The following LY96 variants were observed in gnomAD, a reference collection of about 807,000 sequenced individuals.
LY96 encodes the protein myeloid differentiation protein-2.
In LY96, 18 loss-of-function variants were observed where a neutral mutation model predicts 18.9. That is an observed-to-expected ratio of 0.95 (90% confidence interval 0.66 to 1.41). The LOEUF is 1.41. Among genes scored for constraint, LY96 ranks in the 40% most tolerant of loss-of-function variants. The pLI, the probability that LY96 is intolerant of heterozygous loss-of-function variation, is 0.00. For synonymous variants in LY96, 66 were observed against 62.6 expected, an observed-to-expected ratio of 1.06 and a Z score of -0.26; for missense variants, 175 against 182.4, an observed-to-expected ratio of 0.96 and a Z score of 0.23.
chr8:74,017,919 A>G (rs1816677533), intron 3 of LY96, among the ~76,000 whole-genome samples: 1 of 152,224 alleles, frequency 6.6e-6, no homozygotes, highest in African/African-American at 2.4e-5. Flanking sequence ...CATGGAAAGG[A>G]ACAACTGGTA....
intron 2 of LY96, among the ~76,000 whole-genome samples, chr8:74,006,909 G>A (rs1246737074): frequency 6.6e-6 from 1 of 152,208 alleles, no homozygotes; most frequent in Non-Finnish European, 1.5e-5. Context: ...ACACTAAGAA[G>A]GAATTAGGCT....
chr8:74,039,808 A>C, the LY96 span, among the ~76,000 whole-genome samples: 8 of 152,178 alleles, frequency 5.3e-5, no homozygotes, highest in African/African-American at 1.9e-4. Flanking sequence ...GTACGGGAGG[A>C]ACATGAAAGT....
the LY96 span, among the ~76,000 whole-genome samples, chr8:74,074,376 A>G: frequency 2.6e-5 from 4 of 152,074 alleles, no homozygotes; most frequent in Admixed American, 6.5e-5. Flanking sequence ...TGTGTCATAA[A>G]TATTATTTTT....
chr8:74,081,074 T>C, the LY96 span, among the ~76,000 whole-genome samples: 1,216 of 130,344 alleles, frequency 9.3e-3, 25 homozygotes, highest in African/African-American at 0.024. Context: ...CTTACTTTCT[T>C]TCTTCTCTTT....
chr8:74,074,633 C>A, the LY96 span, among the ~76,000 whole-genome samples: 4 of 152,042 alleles, frequency 2.6e-5, no homozygotes, highest in African/African-American at 9.7e-5. Context: ...TAGCTATAAA[C>A]TTCCCTCTTA....
chr8:74,006,615 G>A (rs932918749), intron 2 of LY96, among the ~76,000 whole-genome samples: 26 of 152,194 alleles, frequency 1.7e-4, no homozygotes, highest in African/African-American at 6.3e-4. Context: ...ACAGAGCAAA[G>A]GATGATTAAC....
chr8:74,028,098 G>C (rs1356844226), intron 4 of LY96, among the ~76,000 whole-genome samples: 1 of 152,188 alleles, frequency 6.6e-6, no homozygotes, highest in Non-Finnish European at 1.5e-5. Context: ...ATGGGCTTTT[G>C]TTACATCCCA....
At chr8:74,053,384 G>A in the LY96 span, among the ~76,000 whole-genome samples, 1 of 152,106 alleles carries the variant, frequency 6.6e-6, no homozygotes, top group Non-Finnish European at 1.5e-5. Flanking sequence ...AAAAATTGAA[G>A]CAAGTCATTG....
At chr8:74,071,811 A>G in the LY96 span, among the ~76,000 whole-genome samples, 1 of 152,152 alleles carries the variant, frequency 6.6e-6, no homozygotes, top group Non-Finnish European at 1.5e-5. Flanking sequence ...CCTCAACATT[A>G]TGTTACTAAT....
chr8:74,021,855 G>T (rs933655542), intron 3 of LY96, among the ~76,000 whole-genome samples: 8 of 152,026 alleles, frequency 5.3e-5, no homozygotes, highest in Non-Finnish European at 7.4e-5. Context: ...CTCACTCATA[G>T]GTGGGAATTG....
At chr8:74,058,321 G>A in the LY96 span, among the ~76,000 whole-genome samples, 3 of 152,152 alleles carry the variant, frequency 2.0e-5, no homozygotes, top group African/African-American at 7.2e-5. Context: ...GGAAACTTCT[G>A]GATTATAACT....
chr8:74,075,533 A>C, the LY96 span, among the ~76,000 whole-genome samples: 1 of 152,224 alleles, frequency 6.6e-6, no homozygotes, highest in African/African-American at 2.4e-5. Flanking sequence ...GGCTTCCCAA[A>C]GTGTTGGGAT....
At chr8:74,086,719 G>A in the LY96 span, among the ~76,000 whole-genome samples, 2 of 152,320 alleles carry the variant, frequency 1.3e-5, no homozygotes, top group African/African-American at 4.8e-5. Flanking sequence ...CCAATGTGAT[G>A]CTTTTAAGAC....
chr8:74,022,665 G>C (rs1398072039), intron 3 of LY96, among the ~76,000 whole-genome samples: 4 of 147,892 alleles, frequency 2.7e-5, no homozygotes, highest in South Asian at 2.1e-4. Flanking sequence ...TGCAACCTCT[G>C]CCTCCCAGGT....
At chr8:74,052,072 A>C in the LY96 span, among the ~76,000 whole-genome samples, 6 of 152,240 alleles carry the variant, frequency 3.9e-5, no homozygotes, top group African/African-American at 1.4e-4. Context: ...AGGAAAAATA[A>C]AAGAAAAAGA....
At chr8:74,038,656 T>A in the LY96 span, among the ~76,000 whole-genome samples, 1 of 152,228 alleles carries the variant, frequency 6.6e-6, no homozygotes, top group Non-Finnish European at 1.5e-5. Context: ...CTTCCCAAAG[T>A]GCTGGGATTA....
At chr8:74,075,283 T>A in the LY96 span, among the ~76,000 whole-genome samples, 4,499 of 152,300 alleles carry the variant, frequency 0.03, 220 homozygotes, top group African/African-American at 0.1. Flanking sequence ...GTATTTTTTA[T>A]TTTCTGAGAC....
At chr8:74,022,189 C>T (rs1377657689) in intron 3 of LY96, among the ~76,000 whole-genome samples, 1 of 152,120 alleles carries the variant, frequency 6.6e-6, no homozygotes, top group Non-Finnish European at 1.5e-5. Context: ...GGGCAGATCA[C>T]TTGAGGTTAG....
At chr8:74,058,191 A>G in the LY96 span, among the ~76,000 whole-genome samples, 1 of 152,128 alleles carries the variant, frequency 6.6e-6, no homozygotes, top group Admixed American at 6.5e-5. Context: ...AAAAAAAACT[A>G]AAATATTACA....
Sources: allele counts gnomAD v4.1 joint callset (sites outside exome capture counted in the v4.1 genomes callset), GRCh38; gene constraint gnomAD v4.1.1; transcripts MANE v1.5; gene names NCBI Gene and HGNC (gene_info 2026-07-23, HGNC 2026-07-21).